The following SEMA6D variants were observed in gnomAD, a reference collection of about 807,000 sequenced individuals.
SEMA6D encodes the protein semaphorin 6D.
A neutral mutation model predicts 106.6 loss-of-function variants in SEMA6D; 35 were observed. The ratio of observed to expected loss-of-function variants is 0.33; its 90% CI spans 0.25 to 0.44. The LOEUF (loss-of-function observed/expected upper bound fraction) is 0.44, where lower values mean the gene tolerates loss of function less well. Ranked by LOEUF, SEMA6D falls within the 20% of genes least tolerant of loss-of-function variation. The pLI, the probability that SEMA6D is intolerant of heterozygous loss-of-function variation, is 1.00. For synonymous variants in SEMA6D, 499 were observed against 487.7 expected (o/e 1.02, Z -0.31); for missense variants, 1,185 against 1,345.9 (o/e 0.88, Z 1.87).
At chr15:47,489,131 G>C (rs569723191) in intron 3 of SEMA6D, among the ~76,000 whole-genome samples, 17 of 152,286 alleles carry the variant, frequency 1.1e-4, no homozygotes, top group Non-Finnish European at 2.4e-4. Flanking sequence ...CTTATAAATA[G>C]AGGAGACAGC....
intron 4 of SEMA6D, among the ~76,000 whole-genome samples, chr15:47,628,974 G>A (rs1277928361): frequency 6.6e-6 from 1 of 152,002 alleles, no homozygotes; most frequent in African/African-American, 2.4e-5. Flanking sequence ...ACTTGCTCCA[G>A]CACATTTGAT....
chr15:47,491,767 G>T (rs932010084), intron 3 of SEMA6D, among the ~76,000 whole-genome samples: 3 of 152,140 alleles, frequency 2.0e-5, no homozygotes, highest in African/African-American at 7.2e-5. Flanking sequence ...AAATGAGCTT[G>T]GTTAGTAGTT....
chr15:47,196,947 A>G (rs961152390), intron 1 of SEMA6D, among the ~76,000 whole-genome samples: 4 of 152,290 alleles, frequency 2.6e-5, no homozygotes, highest in Admixed American at 1.3e-4. Flanking sequence ...TGGGAAAACT[A>G]CCAGATTCTT....
intron 1 of SEMA6D, among the ~76,000 whole-genome samples, chr15:47,280,328 G>T (rs1412016676): frequency 1.3e-5 from 2 of 151,564 alleles, no homozygotes; most frequent in East Asian, 1.9e-4. Context: ...GGTGTTTGTA[G>T]TATTCTCTGA....
intron 1 of SEMA6D, among the ~76,000 whole-genome samples, chr15:47,226,003 G>C (rs921683824): frequency 1.3e-5 from 2 of 152,094 alleles, no homozygotes. Flanking sequence ...CCCAGTACTT[G>C]TGACTGTGAT....
Position 47,764,013 on chromosome 15 carries a change from T to C in SEMA6D, c.911T>C (p.Ile304Thr). 1 of 1,613,936 alleles carries C rather than the reference T, an allele frequency of 6.2e-7. No individual in the cohort carries two copies. The highest frequency in any genetic ancestry group is 8.5e-7 in the Non-Finnish European group (1 of 1,179,878). ...FDVLQSITDI[I>T]QINGIPTVVG... is the part of the protein sequence containing the mutation. ...GTTCTGCAGTCTATTACAGACATAA[T>C]ACAAATCAATGGCATCCCCACTGTG... Residue 304 changes from isoleucine to threonine, a missense_variant, in exon 10 of 19, where the codon ATA becomes ACA. By Grantham distance (89) the Ile-to-Thr change is moderately conservative. Coordinates refer to ENST00000536845, the MANE Select transcript of SEMA6D (RefSeq NM_001358351.3).
intron 1 of SEMA6D, among the ~76,000 whole-genome samples, chr15:47,343,272 A>ATTATTATTG (rs1016166275): frequency 5.3e-5 from 8 of 150,440 alleles, no homozygotes; most frequent in African/African-American, 2.0e-4. Flanking sequence ...TATTATTATT[A>ATTATTATTG]TACTTTAAGT....
rs975993832 is a variant in SEMA6D at position 47,499,817 on chromosome 15, A to G, written c.-87+29272A>G. Among the ~76,000 whole-genome samples, 7 of 152,160 alleles carry G rather than the reference A, an allele frequency of 4.6e-5. No homozygotes were observed. The East Asian group carries it at 1.4e-3, about 29-fold the overall frequency. On this transcript the variant is annotated intron_variant, in intron 3 of 19. Transcript: ENST00000558014. ...TGATAGCCTGTTATTTCTCCCCCAT[A>G]GAACACCAGGCTCACAGATGGTGGT... is the stretch of plus-strand genomic sequence containing the variant.
chr15:47,266,143 CT>C (rs2034306259), intron 1 of SEMA6D, among the ~76,000 whole-genome samples: 1 of 152,142 alleles, frequency 6.6e-6, no homozygotes, highest in Admixed American at 6.6e-5. Context: ...TTTCCCCATT[CT>C]GACAATCTGC....
intron 3 of SEMA6D, among the ~76,000 whole-genome samples, chr15:47,582,745 C>G (rs2076276144): frequency 2.0e-5 from 3 of 152,180 alleles, no homozygotes; most frequent in Admixed American, 2.0e-4. Flanking sequence ...CAAAGCATGT[C>G]TTCCCAATCC....
intron 1 of SEMA6D, among the ~76,000 whole-genome samples, chr15:47,367,844 T>C (rs145031002): frequency 6.6e-6 from 1 of 152,316 alleles, no homozygotes; most frequent in East Asian, 1.9e-4. Context: ...TTAAAGAATG[T>C]TGGAGCGATG....
At chr15:47,474,285 A>G (rs926254135) in intron 3 of SEMA6D, among the ~76,000 whole-genome samples, 10 of 152,252 alleles carry the variant, frequency 6.6e-5, no homozygotes, top group Admixed American at 4.6e-4. Flanking sequence ...TGGAGTCAGA[A>G]TATCTTAGCC....
At chr15:47,392,896 C>T (rs1289915930) in intron 1 of SEMA6D, among the ~76,000 whole-genome samples, 3 of 152,182 alleles carry the variant, frequency 2.0e-5, no homozygotes, top group South Asian at 4.1e-4. Context: ...CAGATAGCCA[C>T]GACTTATGTC....
chr15:47,736,780 CTTTAAATATTCAAGTACACAA>C, intron 1 of SEMA6D, among the ~76,000 whole-genome samples: 1 of 152,256 alleles, frequency 6.6e-6, no homozygotes, highest in Non-Finnish European at 1.5e-5. Flanking sequence ...ATGTTTTTGG[CTTTAAATATTCAAGTACACAA>C]TTGCAATCAG....
chr15:47,501,798 C>T (rs1250005943), intron 3 of SEMA6D, among the ~76,000 whole-genome samples: 1 of 152,008 alleles, frequency 6.6e-6, no homozygotes, highest in Admixed American at 6.6e-5. Context: ...GTCCATAAAC[C>T]CCAAAATAGC....
intron 1 of SEMA6D, among the ~76,000 whole-genome samples, chr15:47,311,225 T>G (rs939549354): frequency 6.6e-6 from 1 of 152,190 alleles, no homozygotes; most frequent in African/African-American, 2.4e-5. Flanking sequence ...TATGCTCTCT[T>G]CCATAAAAGT....
At chr15:47,684,635 T>G (rs978168927) in intron 4 of SEMA6D, among the ~76,000 whole-genome samples, 3 of 152,202 alleles carry the variant, frequency 2.0e-5, no homozygotes, top group African/African-American at 7.2e-5. Flanking sequence ...AATAAATGAA[T>G]GAATGAACAT....
At chr15:47,419,904 G>A (rs1364446385) in intron 2 of SEMA6D, among the ~76,000 whole-genome samples, 1 of 152,116 alleles carries the variant, frequency 6.6e-6, no homozygotes, top group East Asian at 1.9e-4. Flanking sequence ...CTGATGTGGT[G>A]ACTGATCTGC....
chr15:47,557,002 A>G (rs541766262), intron 3 of SEMA6D, among the ~76,000 whole-genome samples: 1 of 152,264 alleles, frequency 6.6e-6, no homozygotes, highest in African/African-American at 2.4e-5. Flanking sequence ...TGCCTACCTT[A>G]AACGACTTCT....
Sources: gnomAD v4.1 joint callset for allele counts (sites outside exome capture counted in the v4.1 genomes callset) on GRCh38, gnomAD v4.1.1 for gene constraint, MANE v1.5 for transcripts, NCBI Gene and HGNC (gene_info 2026-07-23, HGNC 2026-07-21) for gene names.